Variants in PIP4K2A observed in about 807,000 individuals in gnomAD.
The protein encoded by PIP4K2A is phosphatidylinositol 5-phosphate 4-kinase type-2 alpha.
PIP4K2A carries 14 observed loss-of-function variants against 42.9 expected under a neutral mutation model. That is an observed-to-expected ratio of 0.33 (90% CI 0.22 to 0.51). The LOEUF is 0.51. Ranked by LOEUF, PIP4K2A falls within the 20% of genes least tolerant of loss-of-function variation. The pLI, the probability that PIP4K2A is intolerant of heterozygous loss-of-function variation, is 0.97. For missense variants in PIP4K2A, 434 were observed against 519.8 expected (o/e 0.83, Z 1.61); for synonymous variants, 192 against 192.2 (o/e 1.00, Z 0.01).
chr10:22,630,440 A>C (rs528069719), intron 1 of PIP4K2A, among the ~76,000 whole-genome samples: 1 of 152,294 alleles, frequency 6.6e-6, no homozygotes, highest in Non-Finnish European at 1.5e-5. Flanking sequence ...TCAGAATATA[A>C]GTAGCTACTT....
At chr10:22,649,683 T>C (rs1302054404) in intron 1 of PIP4K2A, among the ~76,000 whole-genome samples, 2 of 152,108 alleles carry the variant, frequency 1.3e-5, no homozygotes, top group Non-Finnish European at 2.9e-5. Context: ...AGGGGCATGC[T>C]CCCTCAGCGG....
chr10:22,597,298 G>A (rs372485761), intron 3 of PIP4K2A, among the ~76,000 whole-genome samples: 6 of 152,198 alleles, frequency 3.9e-5, no homozygotes, highest in African/African-American at 9.6e-5. Context: ...CTCACACAGC[G>A]TAACACAGGG....
intron 3 of PIP4K2A, among the ~76,000 whole-genome samples, chr10:22,601,617 G>A (rs1475200630): frequency 6.6e-6 from 1 of 152,214 alleles, no homozygotes; most frequent in Non-Finnish European, 1.5e-5. Flanking sequence ...GGCATTAGAG[G>A]AGCAAGCACA....
rs1294162580 is a variant in PIP4K2A, at chr10:22,567,458, T to G, written c.678+393A>C. ...AAGCAGACTCAGCGATGCAAAGAAA[T>G]GTATTCAGGGTCACATTCGGTTTGA... is the stretch of plus-strand genomic sequence containing the variant. On this transcript the variant is annotated intron_variant, in intron 6 of 9. Coordinates refer to ENST00000376573, the MANE Select transcript of PIP4K2A (RefSeq NM_005028.5). 3 of 400,824 alleles carry G rather than the reference T, an allele frequency of 7.5e-6. No homozygotes were observed. In the East Asian group the frequency reaches 1.8e-4, roughly 24 times the overall value. The allele number at this position is 400,824 out of a possible 1,614,324, so 24.8% of individuals were successfully genotyped here. A position where few individuals can be genotyped will look rare whatever the true frequency, so the allele number is the denominator to read the frequency against.
rs1432850226 is a variant in PIP4K2A at position 22,537,111 on chromosome 10, GT to G, written c.*89del. ...AGGAGGTTTGCTTCCTGCAAGATGA[GT>G]ACTTCACTGAGTTTGGTTTTCATTT... is the stretch of plus-strand genomic sequence containing the variant. On this transcript the variant is annotated 3_prime_UTR_variant, in exon 10 of 10. Transcript: ENST00000376573. 1.4e-5 allele frequency: 13 copies of G among 937,242 alleles called. No homozygotes were observed. Among genetic ancestry groups the G allele is most frequent in the Non-Finnish European group, 2.0e-5 (12 of 597,922 alleles). The allele number at this position is 937,242 out of a possible 1,614,324, so 58.1% of individuals were successfully genotyped here.
chr10:22,584,094 C>G (rs969296649), intron 4 of PIP4K2A, among the ~76,000 whole-genome samples: 2 of 152,208 alleles, frequency 1.3e-5, no homozygotes, highest in African/African-American at 4.8e-5. Flanking sequence ...GGGCAAGTCA[C>G]TGTGTGTGAG....
intron 1 of PIP4K2A, among the ~76,000 whole-genome samples, chr10:22,678,977 A>G (rs1466945094): frequency 1.3e-5 from 2 of 152,250 alleles, no homozygotes; most frequent in African/African-American, 4.8e-5. Context: ...TGTAAGATAA[A>G]TGAATAAAAT....
chr10:22,609,112 T>C (rs1260362308), intron 2 of PIP4K2A, among the ~76,000 whole-genome samples: 1 of 152,240 alleles, frequency 6.6e-6, no homozygotes, highest in Non-Finnish European at 1.5e-5. Context: ...ATTGCATCTC[T>C]AGCTCTCAAT....
At chr10:22,580,633 C>CAG (rs1377926394) in intron 4 of PIP4K2A, among the ~76,000 whole-genome samples, 65 of 149,588 alleles carry the variant, frequency 4.3e-4, no homozygotes, top group African/African-American at 1.5e-3. Context: ...TTTTGTAAAA[C>CAG]ACTGTTGGCT....
At chr10:22,649,520 C>G (rs1778346) in intron 1 of PIP4K2A, among the ~76,000 whole-genome samples, 39,180 of 152,068 alleles carry the variant, frequency 0.26, 5,384 homozygotes, top group Non-Finnish European at 0.31. Context: ...GGGGCCAAGA[C>G]CAGGAGAAGA....
intron 1 of PIP4K2A, among the ~76,000 whole-genome samples, chr10:22,670,066 C>G (rs905969798): frequency 2.0e-5 from 3 of 152,142 alleles, no homozygotes; most frequent in Non-Finnish European, 2.9e-5. Context: ...ATGTAATTTA[C>G]AACTCATTCT....
At position 22,642,569 on chromosome 10, in the gene PIP4K2A, T is replaced by G. The variant is rs1185765636; in HGVS notation, c.145-32852A>C. Among the ~76,000 whole-genome samples the G allele has an allele frequency of 2.6e-5, 4 of 151,974 alleles. No individual in the cohort carries two copies. The East Asian group carries it at 7.7e-4, about 29-fold the overall frequency. ...TATAAACAGATCATGTGTGTCTGTA[T>G]GTATATTTATATGTGTATTTATAAA... On this transcript the variant is annotated intron_variant, in intron 1 of 9. Coordinates refer to ENST00000376573, the MANE Select transcript of PIP4K2A (RefSeq NM_005028.5).
chr10:22,663,622 GACTATCATCTAGGGATAGTC>G (rs1453670005), intron 1 of PIP4K2A, among the ~76,000 whole-genome samples: 1 of 151,980 alleles, frequency 6.6e-6, no homozygotes, highest in Non-Finnish European at 1.5e-5. Context: ...AAAAATCACT[GACTATCATCTAGGGATAGTC>G]ACTATAAATG....
intron 4 of PIP4K2A, among the ~76,000 whole-genome samples, chr10:22,577,327 T>A (rs2130801536): frequency 6.6e-6 from 1 of 152,100 alleles, no homozygotes; most frequent in South Asian, 2.1e-4. Context: ...AAACCTCATG[T>A]TGCAATGTGA....
chr10:22,671,596 G>T (rs1367412367), intron 1 of PIP4K2A, among the ~76,000 whole-genome samples: 1 of 152,154 alleles, frequency 6.6e-6, no homozygotes, highest in Non-Finnish European at 1.5e-5. Flanking sequence ...CATTGTAAGA[G>T]AACACAGGAT....
At chr10:22,568,632 T>G (rs888978367) in intron 5 of PIP4K2A, among the ~76,000 whole-genome samples, 1 of 152,172 alleles carries the variant, frequency 6.6e-6, no homozygotes. Flanking sequence ...AACTCTGCCT[T>G]AGAGCTCTGG....
intron 1 of PIP4K2A, among the ~76,000 whole-genome samples, chr10:22,620,712 T>A (rs1371807697): frequency 6.6e-6 from 1 of 152,182 alleles, no homozygotes; most frequent in Non-Finnish European, 1.5e-5. Context: ...GGATACACCC[T>A]CCAGCTGGGC....
At position 22,540,093 on chromosome 10, in the gene PIP4K2A, A is replaced by G; in HGVS notation, c.1037-19T>C. The G allele has an allele frequency of 7.4e-7, 1 of 1,348,408 alleles. No homozygotes were observed. The highest frequency in any genetic ancestry group is 1.1e-6 in the Non-Finnish European group (1 of 937,898). 83.5% of individuals were successfully genotyped at this position (1,348,408 alleles called of 1,614,324 possible). A position where few individuals can be genotyped will look rare whatever the true frequency, so the allele number is the denominator to read the frequency against. On this transcript the variant is annotated intron_variant, in intron 8 of 9. Transcript: ENST00000376573. The stretch of plus-strand genomic sequence containing the variant: ...GGCGAGTCTGCAGAGACAGGAGAGC[A>G]ATGACTGTGGGACATGTGACAACAC...
chr10:22,680,189 T>G, intron 1 of PIP4K2A, among the ~76,000 whole-genome samples: 1 of 152,140 alleles, frequency 6.6e-6, no homozygotes, highest in East Asian at 1.9e-4. Flanking sequence ...TAAATCCACT[T>G]AAATGGGCTG....
Sources: allele counts gnomAD v4.1 joint callset (sites outside exome capture counted in the v4.1 genomes callset), GRCh38; gene constraint gnomAD v4.1.1; transcripts MANE v1.5; gene names NCBI Gene and HGNC (gene_info 2026-07-23, HGNC 2026-07-21).